The following RBFOX3 variants were observed in gnomAD, a reference collection of about 807,000 sequenced individuals.
The protein encoded by RBFOX3 is RNA binding protein fox-1 homolog 3.
In RBFOX3, 17 loss-of-function variants were observed where a neutral mutation model predicts 48.7. The observed-to-expected ratio is 0.35, with a 90% CI of 0.24 to 0.52. RBFOX3 has a LOEUF of 0.52. Among genes scored for constraint, RBFOX3 ranks in the 20% least tolerant of loss-of-function variants. The pLI is 0.94. For synonymous variants in RBFOX3, 212 were observed against 209.5 expected (o/e 1.01, Z -0.10); for missense variants, 382 against 497.5 (o/e 0.77, Z 2.21).
chr17:79,484,983 C>T (rs2079349539), intron 1 of RBFOX3, among the ~76,000 whole-genome samples: 1 of 152,194 alleles, frequency 6.6e-6, no homozygotes, highest in East Asian at 1.9e-4. Flanking sequence ...AGGCGATTCC[C>T]AAGCATTTGC....
At chr17:79,259,542 G>C (rs1421613395) in intron 3 of RBFOX3, among the ~76,000 whole-genome samples, 1 of 152,266 alleles carries the variant, frequency 6.6e-6, no homozygotes, top group East Asian at 1.9e-4. Context: ...CCTGAGGAGG[G>C]AAGGGAGCAG....
intron 1 of RBFOX3, among the ~76,000 whole-genome samples, chr17:79,485,478 T>C (rs1294583533): frequency 4.6e-5 from 7 of 152,078 alleles, no homozygotes; most frequent in Admixed American, 3.3e-4. Flanking sequence ...AGCACAGAAA[T>C]CTTTAAGTGT....
rs1351717249 is a variant in RBFOX3 at position 79,090,816 on chromosome 17, G to GT, written c.*66dup. The GT allele has an allele frequency of 6.9e-7, 1 of 1,446,650 alleles. No homozygotes were observed. The highest frequency in any genetic ancestry group is 1.5e-5 in the African/African-American group (1 of 68,438). 89.6% of individuals were successfully genotyped at this position (1,446,650 alleles called of 1,614,324 possible). A position where few individuals can be genotyped will look rare whatever the true frequency, so the allele number is the denominator to read the frequency against. On this transcript the variant is annotated 3_prime_UTR_variant, in exon 15 of 15. Transcript: ENST00000693108. ...CTTAACATCTTTTTTTGTTTTTTTT[G>GT]TTTTGTGATTTTTTTTGTTTTTTTG...
At chr17:79,412,936 T>G (rs1469559132) in intron 2 of RBFOX3, among the ~76,000 whole-genome samples, 7 of 152,062 alleles carry the variant, frequency 4.6e-5, no homozygotes, top group African/African-American at 1.7e-4. Flanking sequence ...TGACTACCAC[T>G]CTCTGACCCT....
chr17:79,303,530 T>C (rs1053583459), intron 3 of RBFOX3, among the ~76,000 whole-genome samples: 5 of 152,080 alleles, frequency 3.3e-5, no homozygotes, highest in Admixed American at 1.3e-4. Context: ...AAAAGTCCCC[T>C]GAGCATTTTC....
intron 2 of RBFOX3, among the ~76,000 whole-genome samples, chr17:79,409,792 G>A (rs1411588507): frequency 6.6e-6 from 1 of 152,216 alleles, no homozygotes; most frequent in Non-Finnish European, 1.5e-5. Context: ...CTGGGGGATG[G>A]GCACTGGTGA....
chr17:79,510,505 G>A (rs1248297528), intron 1 of RBFOX3, among the ~76,000 whole-genome samples: 2 of 152,206 alleles, frequency 1.3e-5, no homozygotes, highest in African/African-American at 4.8e-5. Context: ...AGGGAGAGGG[G>A]CACCGTGCCT....
At chr17:79,112,133 GC>G (rs1219498939) in intron 5 of RBFOX3, among the ~76,000 whole-genome samples, 1 of 152,224 alleles carries the variant, frequency 6.6e-6, no homozygotes, top group Non-Finnish European at 1.5e-5. Context: ...GAGGGGAGGA[GC>G]CTTCCTGGGG....
At chr17:79,196,328 C>G (rs2055577585) in intron 4 of RBFOX3, among the ~76,000 whole-genome samples, 1 of 152,168 alleles carries the variant, frequency 6.6e-6, no homozygotes, top group South Asian at 2.1e-4. Flanking sequence ...GCCTGGGAGT[C>G]ACAGACCCGG....
intron 2 of RBFOX3, among the ~76,000 whole-genome samples, chr17:79,470,392 G>C (rs962053830): frequency 3.9e-5 from 6 of 152,280 alleles, no homozygotes; most frequent in Non-Finnish European, 8.8e-5. Context: ...TGGACGGAGG[G>C]CTGTCTTCAC....
chr17:79,490,976 T>C (rs2080412948), intron 1 of RBFOX3, among the ~76,000 whole-genome samples: 1 of 139,438 alleles, frequency 7.2e-6, no homozygotes. Flanking sequence ...ACTGCATTCA[T>C]GGGAGGTGTT....
At chr17:79,114,274 T>C (rs2033133755) in intron 5 of RBFOX3, among the ~76,000 whole-genome samples, 1 of 152,184 alleles carries the variant, frequency 6.6e-6, no homozygotes, top group African/African-American at 2.4e-5. Flanking sequence ...CCCCTGCTTC[T>C]ACCACCCTGG....
the RBFOX3 span, among the ~76,000 whole-genome samples, chr17:79,645,600 T>C: frequency 6.6e-6 from 1 of 152,124 alleles, no homozygotes; most frequent in South Asian, 2.1e-4. Flanking sequence ...TCTGCCAACT[T>C]CCCAGTCCAG....
chr17:79,531,155 C>A (rs1031236957), intron 1 of RBFOX3, among the ~76,000 whole-genome samples: 7 of 152,348 alleles, frequency 4.6e-5, no homozygotes, highest in Admixed American at 1.3e-4. Flanking sequence ...AGGTGCTACA[C>A]GGAAAAGCCC....
At chr17:79,395,679 G>C (rs772173874) in intron 2 of RBFOX3, among the ~76,000 whole-genome samples, 3 of 152,216 alleles carry the variant, frequency 2.0e-5, no homozygotes, top group Non-Finnish European at 4.4e-5. Flanking sequence ...GGGTGGGACT[G>C]GTGGTCTTTC....
At chr17:79,657,703 C>T in the RBFOX3 span, among the ~76,000 whole-genome samples, 1 of 151,834 alleles carries the variant, frequency 6.6e-6, no homozygotes, top group Non-Finnish European at 1.5e-5. Flanking sequence ...GAGCTGGACA[C>T]CTGGAGCACC....
At chr17:79,557,170 G>A (rs1232803729) in intron 1 of RBFOX3, among the ~76,000 whole-genome samples, 1 of 142,750 alleles carries the variant, frequency 7.0e-6, no homozygotes, top group South Asian at 2.2e-4. Flanking sequence ...AGGTTGCAAT[G>A]AGCCGAGGTC....
At chr17:79,436,456 T>C (rs985176157) in intron 2 of RBFOX3, among the ~76,000 whole-genome samples, 2 of 152,078 alleles carry the variant, frequency 1.3e-5, no homozygotes, top group Non-Finnish European at 2.9e-5. Flanking sequence ...AGCCTGAAAG[T>C]CCAGCCCCAT....
At chr17:79,544,991 A>AG (rs1439652672) in intron 1 of RBFOX3, among the ~76,000 whole-genome samples, 2 of 151,210 alleles carry the variant, frequency 1.3e-5, no homozygotes, top group African/African-American at 4.9e-5. Context: ...AAAAAAAAAA[A>AG]AAAGAGAAAG....
Sources: allele counts gnomAD v4.1 joint callset (sites outside exome capture counted in the v4.1 genomes callset), GRCh38; gene constraint gnomAD v4.1.1; transcripts MANE v1.5; gene names NCBI Gene and HGNC (gene_info 2026-07-23, HGNC 2026-07-21).